PLCB4: variants seen among roughly 807,000 people sequenced by gnomAD.
PLCB4 encodes phospholipase C beta 4.
Under a neutral mutation model 178.8 loss-of-function variants are expected in PLCB4, and 77 were observed. That is an observed-to-expected ratio of 0.43 (90% CI 0.36 to 0.52). The LOEUF (loss-of-function observed/expected upper bound fraction) is 0.52, where lower values mean the gene tolerates loss of function less well. Ranked by LOEUF, PLCB4 falls within the 20% of genes least tolerant of loss-of-function variation. The pLI is 0.00. For missense variants in PLCB4, 1,024 were observed against 1,453.4 expected, an observed-to-expected ratio of 0.70 and a Z score of 4.80; for synonymous variants, 496 against 490.8, an observed-to-expected ratio of 1.01 and a Z score of -0.14.
intron 4 of PLCB4, among the ~76,000 whole-genome samples, chr20:9,329,421 T>G (rs2148013096): frequency 6.6e-6 from 1 of 152,246 alleles, no homozygotes; most frequent in Admixed American, 6.5e-5. Context: ...GATAATAAGT[T>G]AATGTAGAGA....
intron 2 of PLCB4, among the ~76,000 whole-genome samples, chr20:9,165,647 T>C (rs1822308100): frequency 6.6e-6 from 1 of 152,172 alleles, no homozygotes; most frequent in Non-Finnish European, 1.5e-5. Context: ...CAGAATAGAA[T>C]TCTACTTACA....
At chr20:9,389,728 A>G (rs1288873825) in intron 15 of PLCB4, 151 bp from the exon 16 acceptor site, 10 of 551,658 alleles carry the variant, frequency 1.8e-5, no homozygotes, top group Admixed American at 3.1e-5. Context: ...AGGGAACTCA[A>G]CCTTTAGAGG....
chr20:9,372,040 C>T (rs576403376), intron 10 of PLCB4, among the ~76,000 whole-genome samples: 10 of 152,204 alleles, frequency 6.6e-5, no homozygotes, highest in Admixed American at 2.0e-4. Flanking sequence ...GGGTATTTCC[C>T]AGAGCAAGGC....
In PLCB4 at chr20:9,443,990, T is replaced by C; in HGVS notation, c.2774T>C (p.Leu925Pro). ...SGVEAKKGIE[L>P]IPQVRIEDLK... ...TTTTTTGTTTGTTTAGGTATTGAAC[T>C]TATCCCTCAAGTAAGGATAGAAGAC... is the stretch of plus-strand genomic sequence containing the variant. Residue 925 changes from leucine (L) to proline (P), a missense_variant, in exon 31 of 40, where the codon CTT (leucine) becomes CCT (proline). Physicochemically the swap from Leu to Pro is moderately conservative, Grantham distance 98 (BLOSUM62 -3). Around this residue, in one of 7 missense-constraint regions of PLCB4, gnomAD observed 227 missense variants for 374.3 expected, o/e 0.61. Coordinates refer to ENST00000378473, the MANE Select transcript of PLCB4 (RefSeq NM_001377142.1). 6.3e-7 allele frequency: 1 copy of C among 1,587,804 alleles called. No individual in the cohort carries two copies. The highest frequency in any genetic ancestry group is 8.6e-7 in the Non-Finnish European group (1 of 1,162,868).
At chr20:9,289,277 T>C (rs2094560154) in intron 3 of PLCB4, among the ~76,000 whole-genome samples, 1 of 152,132 alleles carries the variant, frequency 6.6e-6, no homozygotes. Flanking sequence ...GACCAATTAA[T>C]GTCATGGCCT....
chr20:9,186,991 T>C (rs903012773), intron 2 of PLCB4, among the ~76,000 whole-genome samples: 7 of 152,100 alleles, frequency 4.6e-5, no homozygotes, highest in African/African-American at 1.7e-4. Context: ...TTATTATTTT[T>C]TGAGATGGAG....
At chr20:9,394,091 A>G (rs1234377883) in intron 18 of PLCB4, among the ~76,000 whole-genome samples, 1 of 152,148 alleles carries the variant, frequency 6.6e-6, no homozygotes, top group East Asian at 1.9e-4. Flanking sequence ...GTGACTGTGT[A>G]TATGTGAATA....
At position 9,377,716 on chromosome 20, in the gene PLCB4, A is replaced by G. The variant is rs2036793731; in HGVS notation, c.745-2338A>G. On this transcript the variant is annotated intron_variant, in intron 12 of 39. Transcript: ENST00000378473. ...TTCCTGGCTTTGTTTTGCCATAGGC[A>G]GGATGGTCTAATGAATGTCATACCC... Among the ~76,000 whole-genome samples, 8 of 152,242 alleles carry G rather than the reference A, an allele frequency of 5.3e-5. No homozygotes were observed. In the South Asian group the frequency reaches 1.7e-3, roughly 31 times the overall value.
intron 36 of PLCB4, among the ~76,000 whole-genome samples, chr20:9,472,074 A>G (rs1178036081): frequency 1.3e-5 from 2 of 152,224 alleles, no homozygotes; most frequent in Non-Finnish European, 2.9e-5. Context: ...TGAAAAGTCC[A>G]TACAGCAAAT....
chr20:9,227,567 T>C (rs2147329203), intron 3 of PLCB4, among the ~76,000 whole-genome samples: 1 of 152,242 alleles, frequency 6.6e-6, no homozygotes, highest in African/African-American at 2.4e-5. Context: ...GCACCATTTA[T>C]TGAAGAAACT....
chr20:9,403,475 A>T (rs2039197881), intron 20 of PLCB4, among the ~76,000 whole-genome samples: 1 of 152,192 alleles, frequency 6.6e-6, no homozygotes, highest in Non-Finnish European at 1.5e-5. Context: ...AATCTTAGAC[A>T]AATTAAATTT....
At chr20:9,243,393 A>T (rs979336847) in intron 3 of PLCB4, among the ~76,000 whole-genome samples, 1 of 152,226 alleles carries the variant, frequency 6.6e-6, no homozygotes, top group Non-Finnish European at 1.5e-5. Context: ...ACTTCCTGCC[A>T]ATAAATGACT....
chr20:9,398,689 GTATTAT>G (rs11469240), intron 19 of PLCB4, among the ~76,000 whole-genome samples: 4 of 150,290 alleles, frequency 2.7e-5, no homozygotes, highest in Admixed American at 6.6e-5. Flanking sequence ...GATGAAATGG[GTATTAT>G]TATTATTATT....
At chr20:9,316,983 C>T (rs895946925) in intron 4 of PLCB4, among the ~76,000 whole-genome samples, 8 of 152,162 alleles carry the variant, frequency 5.3e-5, no homozygotes, top group African/African-American at 1.9e-4. Flanking sequence ...AGTCATAGAA[C>T]TGGGTCAGCA....
chr20:9,435,676 G>C (rs373212122), intron 29 of PLCB4, 28 bp downstream of exon 29: 6 of 1,306,204 alleles, frequency 4.6e-6, no homozygotes, highest in Admixed American at 1.7e-5. Flanking sequence ...ATTAAAGGTG[G>C]CCAAGTTGTG....
intron 2 of PLCB4, among the ~76,000 whole-genome samples, chr20:9,128,100 G>A (rs1469401531): frequency 6.6e-6 from 1 of 152,096 alleles, no homozygotes; most frequent in African/African-American, 2.4e-5. Flanking sequence ...TCATGGGCAC[G>A]GATCCCTCAT....
At chr20:9,237,421 C>T (rs750925465) in intron 3 of PLCB4, among the ~76,000 whole-genome samples, 28 of 152,100 alleles carry the variant, frequency 1.8e-4, no homozygotes, top group Non-Finnish European at 3.4e-4. Context: ...CTGAATGAAA[C>T]GCTAAGGAGT....
chr20:9,414,885 A>T (rs1357310105), intron 25 of PLCB4, among the ~76,000 whole-genome samples: 1 of 152,244 alleles, frequency 6.6e-6, no homozygotes, highest in Non-Finnish European at 1.5e-5. Flanking sequence ...ATGACATTTT[A>T]TGATTCAGAG....
chr20:9,083,002 G>A (rs34745573), intron 1 of PLCB4, among the ~76,000 whole-genome samples: 47 of 152,228 alleles, frequency 3.1e-4, no homozygotes, highest in South Asian at 1.0e-3. Flanking sequence ...AGACCAACAG[G>A]TTTTCCATAA....
Sources: allele counts gnomAD v4.1 joint callset (sites outside exome capture counted in the v4.1 genomes callset), GRCh38; gene constraint gnomAD v4.1.1; regional missense constraint gnomAD v4.1.1; transcripts MANE v1.5; gene names NCBI Gene and HGNC (gene_info 2026-07-23, HGNC 2026-07-21).